The following GSE1 variants were observed in gnomAD, a reference collection of about 807,000 sequenced individuals.
GSE1 encodes the protein Gse1 coiled-coil protein.
A neutral mutation model predicts 112.6 loss-of-function variants in GSE1; 32 were observed. The observed-to-expected ratio is 0.28, with a 90% CI of 0.21 to 0.38. The LOEUF (loss-of-function observed/expected upper bound fraction) is 0.38. Ranked by LOEUF, GSE1 falls within the 10% of genes least tolerant of loss-of-function variation. The probability of loss-of-function intolerance (pLI) is 1.00; values close to 1 mark genes in which losing one functional copy is unlikely to be tolerated. For synonymous variants in GSE1, 1,115 were observed against 735.6 expected (o/e 1.52, Z -8.35); for missense variants, 2,348 against 1,699.2 (o/e 1.38, Z -6.71).
At chr16:85,593,691 G>A (rs557926554) in intron 1 of GSE1, 2 of 152,276 alleles carry the variant, frequency 1.3e-5, no homozygotes, top group African/African-American at 4.8e-5. Flanking sequence ...TATTCGCTGG[G>A]CTCCAGCCCA....
chr16:85,542,679 G>A (rs967398740), intron 2 of GSE1, among the ~76,000 whole-genome samples: 1 of 152,228 alleles, frequency 6.6e-6, no homozygotes, highest in Non-Finnish European at 1.5e-5. Flanking sequence ...GCACAAGCTA[G>A]CGTTTGCTGT....
At chr16:85,299,656 G>A (rs1443073988) in intron 1 of GSE1, among the ~76,000 whole-genome samples, 1 of 152,210 alleles carries the variant, frequency 6.6e-6, no homozygotes, top group Admixed American at 6.5e-5. Context: ...GGCCAGGCAA[G>A]GTAGCTCACA....
At position 85,656,410 on chromosome 16, in the gene GSE1, GCT is replaced by G; in HGVS notation, c.1058_1059del (p.Ala353GlyfsTer9). 1 of 1,557,422 alleles carries G rather than the reference GCT, an allele frequency of 6.4e-7. No homozygotes were observed. The highest frequency in any genetic ancestry group is 8.8e-7 in the Non-Finnish European group (1 of 1,142,820). On this transcript the variant is annotated frameshift_variant, in exon 7 of 16. Coordinates refer to ENST00000253458, the MANE Select transcript of GSE1 (RefSeq NM_014615.5). LOFTEE classifies it high-confidence loss of function. The part of the protein sequence containing the change: ...RERERERERE[A>X]DREREKERER... ...GCGCGAGCGCGAGCGTGAGCGTGAG[GCT>G]GACCGCGAGCGGGAGAAGGAACGTG... is the stretch of plus-strand genomic sequence containing the variant.
At chr16:85,570,770 A>G (rs1035566495) in intron 1 of GSE1, among the ~76,000 whole-genome samples, 2 of 152,088 alleles carry the variant, frequency 1.3e-5, no homozygotes, top group African/African-American at 4.8e-5. Context: ...CAGGCCCTGG[A>G]GGGGCTGAGG....
At chr16:85,421,642 C>T (rs901280118) in intron 2 of GSE1, among the ~76,000 whole-genome samples, 7 of 152,226 alleles carry the variant, frequency 4.6e-5, no homozygotes, top group Non-Finnish European at 8.8e-5. Flanking sequence ...AGCTTGTGAA[C>T]GGTTTCCACC....
exon 2 of GSE1, chr16:85,357,532 C>T (rs374652358): frequency 9.4e-6 from 12 of 1,274,348 alleles, no homozygotes; most frequent in African/African-American, 9.2e-5. Flanking sequence ...GACCCGGCCA[C>T]GCGCCCCCAC....
At chr16:85,202,247 C>G (rs2075041872) in intron 1 of GSE1, among the ~76,000 whole-genome samples, 1 of 152,366 alleles carries the variant, frequency 6.6e-6, no homozygotes, top group South Asian at 2.1e-4. Flanking sequence ...GCCCCAACTG[C>G]CTTCTGGAAT....
rs1338239346 is a variant in GSE1 at position 85,617,592 on chromosome 16, ACCCTC to A, written c.7+4198_7+4202del. ...ATGCAGCCTGGGCATCCGTGTGTCA[ACCCTC>A]CCCCCCCCCCCCCCGTTAACTGCCA... On this transcript the variant is annotated intron_variant, in intron 1 of 15. Transcript: ENST00000253458. Among the ~76,000 whole-genome samples, 10 of 80,004 alleles carry A rather than the reference ACCCTC, an allele frequency of 1.2e-4. 1 individual carries two copies. Among genetic ancestry groups the A allele is most frequent in the African/African-American group, 4.1e-4 (9 of 21,984 alleles). The allele number at this position is 80,004 out of a possible 152,430, so 52.5% of individuals were successfully genotyped here.
chr16:85,581,049 G>T (rs138462630), intron 1 of GSE1, among the ~76,000 whole-genome samples: 4 of 152,226 alleles, frequency 2.6e-5, no homozygotes, highest in Non-Finnish European at 5.9e-5. Flanking sequence ...CTGGACATTA[G>T]GTCAGAGGGA....
intron 2 of GSE1, among the ~76,000 whole-genome samples, chr16:85,418,429 C>A (rs920320181): frequency 2.0e-5 from 3 of 152,178 alleles, no homozygotes; most frequent in Non-Finnish European, 4.4e-5. Context: ...GCTCTTTGGC[C>A]ATCTCCTGTG....
chr16:85,620,577 C>A (rs969373780), intron 1 of GSE1, among the ~76,000 whole-genome samples: 16 of 152,356 alleles, frequency 1.1e-4, no homozygotes, highest in African/African-American at 3.8e-4. Flanking sequence ...CCGATCCACG[C>A]GGTCGTCTCT....
At chr16:85,554,468 A>T (rs1488824392), upstream of GSE1, among the ~76,000 whole-genome samples, 1 of 152,186 alleles carries the variant, frequency 6.6e-6, no homozygotes, top group Non-Finnish European at 1.5e-5. Flanking sequence ...TTTGCCTGGA[A>T]GCATGCCTTC....
rs187356556 is a variant in GSE1 at position 85,257,408 on chromosome 16, G to A, written c.2283+85601G>A. ...TTACAGGCATGAGCCACCACGCTCA[G>A]CAATGTTCTGCATTTTCTACCATAT... On this transcript the variant is annotated intron_variant, in intron 1 of 2. Transcript: ENST00000637419. Among the ~76,000 whole-genome samples, 788 of 152,322 alleles carry A rather than the reference G, an allele frequency of 5.2e-3. 5 individuals are homozygous for A. The highest frequency in any genetic ancestry group is 7.0e-3 in the South Asian group (34 of 4,830).
chr16:85,570,335 T>C (rs1321502266), intron 1 of GSE1, among the ~76,000 whole-genome samples: 1 of 151,998 alleles, frequency 6.6e-6, no homozygotes, highest in South Asian at 2.1e-4. Context: ...AGGAAAGACC[T>C]GGCCCTTGAC....
At chr16:85,671,195 C>G in intron 15 of GSE1, 97 bp downstream of exon 15, 1 of 668,194 alleles carries the variant, frequency 1.5e-6, no homozygotes, top group Non-Finnish European at 2.6e-6. Flanking sequence ...GAAATGTGCT[C>G]TTAAGAGATC....
Position 85,331,641 on chromosome 16 carries a change from GTGTATATATATA to G in GSE1, c.2284-25818_2284-25807del, listed in dbSNP as rs1309651054. Among the ~76,000 whole-genome samples the G allele has an allele frequency of 3.3e-4, 40 of 120,946 alleles. 1 individual carries two copies. The highest frequency in any genetic ancestry group is 6.6e-4 in the Non-Finnish European group (39 of 58,702). The allele number at this position is 120,946 out of a possible 152,430, so 79.3% of individuals were successfully genotyped here. A position where few individuals can be genotyped will look rare whatever the true frequency, so the allele number is the denominator to read the frequency against. ...TGTGTGTATATATGTGTATATATGT[GTGTATATATATA>G]TGTGTATATGTGTGTGTGTGTGTGT... On this transcript the variant is annotated intron_variant, in intron 1 of 2. Transcript: ENST00000637419.
At chr16:85,447,825 T>C (rs1372802908) in intron 2 of GSE1, among the ~76,000 whole-genome samples, 1 of 152,164 alleles carries the variant, frequency 6.6e-6, no homozygotes, top group Non-Finnish European at 1.5e-5. Flanking sequence ...TTCACACAGC[T>C]CAGTGGCCAT....
chr16:85,442,880 C>T (rs1463966878), intron 2 of GSE1, among the ~76,000 whole-genome samples: 1 of 152,196 alleles, frequency 6.6e-6, no homozygotes, highest in Admixed American at 6.5e-5. Context: ...TCCTGGAGGT[C>T]CCCGGAGGAA....
At chr16:85,503,511 C>T (rs1170992755) in intron 2 of GSE1, among the ~76,000 whole-genome samples, 1 of 152,120 alleles carries the variant, frequency 6.6e-6, no homozygotes, top group Admixed American at 6.5e-5. Flanking sequence ...TGAGACACGG[C>T]GAGGGGAGCG....
Sources: allele counts gnomAD v4.1 joint callset (sites outside exome capture counted in the v4.1 genomes callset), GRCh38; gene constraint gnomAD v4.1.1; transcripts MANE v1.5; gene names NCBI Gene and HGNC (gene_info 2026-07-23, HGNC 2026-07-21).